Variants in ZPBP observed in about 807,000 individuals in gnomAD.
ZPBP encodes zona pellucida binding protein.
A neutral mutation model predicts 44.8 loss-of-function variants in ZPBP; 26 were observed. The observed-to-expected ratio is 0.58, with a 90% CI of 0.43 to 0.81. The LOEUF (loss-of-function observed/expected upper bound fraction) is 0.81, where lower values mean the gene tolerates loss of function less well. ZPBP is among the 30% of genes least tolerant of loss of function. The pLI is 0.00. For synonymous variants in ZPBP, 174 were observed against 153.2 expected (o/e 1.14, Z -1.00); for missense variants, 409 against 434.0 (o/e 0.94, Z 0.51).
chr7:49,885,671 C>A (rs1230883137), intron 2 of ZPBP, among the ~76,000 whole-genome samples: 1 of 152,186 alleles, frequency 6.6e-6, no homozygotes, highest in Non-Finnish European at 1.5e-5. Context: ...TCCATTAATA[C>A]AGAGGTGTTA....
chr7:49,951,387 C>A (rs965062584), intron 7 of ZPBP, among the ~76,000 whole-genome samples: 1 of 151,656 alleles, frequency 6.6e-6, no homozygotes, highest in South Asian at 2.1e-4. Context: ...AGTAGAAACA[C>A]TGGCAGAGGA....
intron 4 of ZPBP, among the ~76,000 whole-genome samples, chr7:50,053,260 T>G (rs891986845): frequency 1.2e-4 from 19 of 152,190 alleles, no homozygotes; most frequent in African/African-American, 4.6e-4. Flanking sequence ...AACAAAAAGT[T>G]TAACCTGAAA....
intron 6 of ZPBP, among the ~76,000 whole-genome samples, chr7:49,992,810 G>A (rs1211622715): frequency 1.3e-5 from 2 of 152,016 alleles, no homozygotes; most frequent in South Asian, 2.1e-4. Flanking sequence ...GATCTGGGAG[G>A]CACAATAAAT....
At chr7:49,970,892 AAAT>A (rs1796277253) in intron 7 of ZPBP, among the ~76,000 whole-genome samples, 2 of 149,874 alleles carry the variant, frequency 1.3e-5, no homozygotes, top group South Asian at 2.1e-4. Context: ...ATAAATAAAT[AAAT>A]AAGCCAGGCA....
At chr7:49,906,343 CTT>C (rs113516881) in intron 1 of ZPBP, among the ~76,000 whole-genome samples, 6 of 150,928 alleles carry the variant, frequency 4.0e-5, no homozygotes, top group Admixed American at 4.0e-4. Context: ...AAAATTTTCT[CTT>C]TTTTTTTGAG....
chr7:49,899,308 A>C (rs1224973127), intron 2 of ZPBP, among the ~76,000 whole-genome samples: 1 of 152,064 alleles, frequency 6.6e-6, no homozygotes, highest in East Asian at 1.9e-4. Flanking sequence ...ATGAATGTTC[A>C]TCATGCTATT....
At chr7:49,949,511 T>C (rs1795241690) in intron 7 of ZPBP, among the ~76,000 whole-genome samples, 1 of 152,064 alleles carries the variant, frequency 6.6e-6, no homozygotes, top group Non-Finnish European at 1.5e-5. Flanking sequence ...TTGTGCTAAG[T>C]GAAATAAGCC....
intron 1 of ZPBP, among the ~76,000 whole-genome samples, chr7:50,090,602 TGC>T (rs1450844902): frequency 2.2e-5 from 2 of 92,674 alleles, no homozygotes; most frequent in East Asian, 3.3e-4. Flanking sequence ...TGCGTATATA[TGC>T]GTATATATGT....
At chr7:50,047,408 T>A (rs1800427853) in intron 4 of ZPBP, among the ~76,000 whole-genome samples, 1 of 151,896 alleles carries the variant, frequency 6.6e-6, no homozygotes, top group South Asian at 2.1e-4. Flanking sequence ...TACCAAAAAG[T>A]CAAGGGTCAG....
Position 49,981,658 on chromosome 7 carries a change from A to T in ZPBP, c.961+1684T>A, listed in dbSNP as rs1583973622. Among the ~76,000 whole-genome samples the T allele has an allele frequency of 2.3e-4, 17 of 74,540 alleles. 5 individuals are homozygous for T. The highest frequency in any genetic ancestry group is 9.1e-4 in the African/African-American group (14 of 15,398). The allele number at this position is 74,540 out of a possible 152,430, so 48.9% of individuals were successfully genotyped here. Reference sequence around the variant, plus strand: ...TATATATTATATAATATCTTGATATAAAATATATATTATATATTATATATA... The same window carrying T: ...TATATATTATATAATATCTTGATATTAAATATATATTATATATTATATATA... On this transcript the variant is annotated intron_variant, in intron 7 of 7. Coordinates refer to ENST00000046087, the MANE Select transcript of ZPBP (RefSeq NM_007009.3).
chr7:49,969,808 T>TAG lies in ZPBP; in HGVS notation c.961+13533_961+13534insCT, dbSNP rs1289461694. Among the ~76,000 whole-genome samples, 21 of 106,962 alleles carry TAG rather than the reference T, an allele frequency of 2.0e-4. 1 individual carries two copies. Among genetic ancestry groups the TAG allele is most frequent in the Admixed American group, 1.5e-3 (13 of 8,718 alleles). 70.2% of individuals were successfully genotyped at this position (106,962 alleles called of 152,430 possible). A position where few individuals can be genotyped will look rare whatever the true frequency, so the allele number is the denominator to read the frequency against. On this transcript the variant is annotated intron_variant, in intron 7 of 7. Coordinates refer to ENST00000046087, the MANE Select transcript of ZPBP (RefSeq NM_007009.3). ...AAAAGTTTATGTTAATAAATGTATA[T>TAG]ATATATATATAGAGAGAGAGAGAGA...
At chr7:49,866,186 T>C (rs1231053730) in intron 2 of ZPBP, among the ~76,000 whole-genome samples, 1 of 152,164 alleles carries the variant, frequency 6.6e-6, no homozygotes, top group African/African-American at 2.4e-5. Flanking sequence ...CTCACTTGCT[T>C]ATCTTATCAG....
At chr7:49,859,349 T>C (rs189901406) in intron 2 of ZPBP, among the ~76,000 whole-genome samples, 204 of 152,354 alleles carry the variant, frequency 1.3e-3, no homozygotes, top group Non-Finnish European at 2.3e-3. Context: ...TAAAATCTTA[T>C]CCTCCTTAGG....
intron 2 of ZPBP, among the ~76,000 whole-genome samples, chr7:49,895,238 T>C (rs1035338642): frequency 2.0e-5 from 3 of 152,136 alleles, no homozygotes; most frequent in Non-Finnish European, 4.4e-5. Flanking sequence ...AACAGTTCCC[T>C]CACATTTGTT....
At chr7:49,870,473 T>G (rs1791103379) in intron 2 of ZPBP, among the ~76,000 whole-genome samples, 1 of 152,160 alleles carries the variant, frequency 6.6e-6, no homozygotes, top group Admixed American at 6.5e-5. Context: ...GATAAGTAAA[T>G]TTTACCAACC....
At chr7:49,955,083 G>A (rs553466724) in intron 7 of ZPBP, among the ~76,000 whole-genome samples, 1 of 151,394 alleles carries the variant, frequency 6.6e-6, no homozygotes, top group Non-Finnish European at 1.5e-5. Context: ...ATAAGACCTG[G>A]GCCAAATAAA....
At chr7:49,926,610 C>A (rs984380993) in intron 1 of ZPBP, among the ~76,000 whole-genome samples, 2 of 152,310 alleles carry the variant, frequency 1.3e-5, no homozygotes, top group South Asian at 4.2e-4. Flanking sequence ...GTGAATGAAT[C>A]GCAGAGACCC....
Position 49,967,635 on chromosome 7 carries a change from C to T in ZPBP, c.961+15707G>A, listed in dbSNP as rs1217239263. On this transcript the variant is annotated intron_variant, in intron 7 of 7. Coordinates refer to ENST00000046087, the MANE Select transcript of ZPBP (RefSeq NM_007009.3). ...GATCTTGGCTCACTGCAACCTCCGC[C>T]TCCCGGGTTCAAGCAGTTCTCCTGC... Among the ~76,000 whole-genome samples, 4 of 152,160 alleles carry T rather than the reference C, an allele frequency of 2.6e-5. No individual in the cohort carries two copies. The South Asian group carries it at 6.2e-4, about 24-fold the overall frequency.
chr7:49,883,925 GA>G (rs1791785991), intron 2 of ZPBP, among the ~76,000 whole-genome samples: 1 of 152,238 alleles, frequency 6.6e-6, no homozygotes, highest in Non-Finnish European at 1.5e-5. Flanking sequence ...CTTCTGCTAA[GA>G]ACAGAAAGCA....
Sources: allele counts gnomAD v4.1 joint callset (sites outside exome capture counted in the v4.1 genomes callset), GRCh38; gene constraint gnomAD v4.1.1; transcripts MANE v1.5; gene names NCBI Gene and HGNC (gene_info 2026-07-23, HGNC 2026-07-21).